The following NDUFAF6 variants were observed in gnomAD, a reference collection of about 807,000 sequenced individuals.
NDUFAF6 encodes the protein NADH:ubiquinone oxidoreductase complex assembly factor 6, also known as NADH dehydrogenase (ubiquinone) complex I, assembly factor 6.
NDUFAF6 carries 45 observed loss-of-function variants against 40.8 expected under a neutral mutation model. That is an observed-to-expected ratio of 1.10 (90% confidence interval 0.87 to 1.42). The LOEUF (loss-of-function observed/expected upper bound fraction) is 1.42, where lower values mean the gene tolerates loss of function less well. Ranked by LOEUF, NDUFAF6 falls within the 40% of genes most tolerant of loss-of-function variation. The probability of loss-of-function intolerance (pLI) is 0.00; values close to 1 mark genes in which losing one functional copy is unlikely to be tolerated. For synonymous variants in NDUFAF6, 185 were observed against 155.9 expected (o/e 1.19, Z -1.39); for missense variants, 435 against 418.5 (o/e 1.04, Z -0.34).
intron 1 of NDUFAF6, among the ~76,000 whole-genome samples, chr8:94,912,933 C>A (rs939823207): frequency 6.6e-6 from 1 of 152,202 alleles, no homozygotes; most frequent in Admixed American, 6.5e-5. Flanking sequence ...GAGCCCAGAT[C>A]ACGCCACTGC....
At chr8:94,980,444 T>G (rs1381365682) in intron 1 of NDUFAF6, among the ~76,000 whole-genome samples, 1 of 138,770 alleles carries the variant, frequency 7.2e-6, no homozygotes, top group Non-Finnish European at 1.6e-5. Context: ...GTTTTTTTGT[T>G]TTTTTTTTTT....
chr8:95,094,377 TC>T (rs774327235), intron 2 of NDUFAF6, among the ~76,000 whole-genome samples: 14,494 of 56,080 alleles, frequency 0.26, 2,174 homozygotes, highest in African/African-American at 0.46. Context: ...TTCTTTTCTT[TC>T]CTTCTTTCTT....
chr8:95,100,796 C>T (rs1053856772), intron 1 of NDUFAF6, among the ~76,000 whole-genome samples: 2 of 152,188 alleles, frequency 1.3e-5, no homozygotes, highest in African/African-American at 2.4e-5. Context: ...CTTTCACATA[C>T]TCTGTAAAGT....
intron 2 of NDUFAF6, among the ~76,000 whole-genome samples, chr8:95,091,716 T>C (rs915736108): frequency 1.3e-5 from 2 of 151,516 alleles, no homozygotes; most frequent in Admixed American, 6.6e-5. Context: ...CCTGGCTCAC[T>C]GCAGCCTTGA....
rs557329189 is a variant in NDUFAF6 at position 95,031,880 on chromosome 8, C to T, written c.198-115C>T. ...CCTCCCAAAGTGCTGGGATTACAGG[C>T]ATGAGCTACCGCGCCCAACTTGAAG... On this transcript the variant is annotated intron_variant, in intron 1 of 8. Transcript: ENST00000396124. 11 of 955,524 alleles carry T rather than the reference C, an allele frequency of 1.2e-5. No individual in the cohort carries two copies. In the East Asian group the frequency reaches 2.8e-4, roughly 24 times the overall value. The allele number at this position is 955,524 out of a possible 1,614,324, so 59.2% of individuals were successfully genotyped here.
chr8:95,099,632 T>C (rs1319630315), upstream of NDUFAF6, among the ~76,000 whole-genome samples: 1 of 151,954 alleles, frequency 6.6e-6, no homozygotes, highest in East Asian at 1.9e-4. Flanking sequence ...GGATTCCTAG[T>C]GTTTCGCCTG....
intron 2 of NDUFAF6, among the ~76,000 whole-genome samples, chr8:95,089,320 G>C (rs892931205): frequency 6.6e-6 from 1 of 151,864 alleles, no homozygotes; most frequent in African/African-American, 2.4e-5. Flanking sequence ...ATGAACTTCT[G>C]CCTCCGCCTC....
intron 1 of NDUFAF6, among the ~76,000 whole-genome samples, chr8:94,935,126 G>GGT: frequency 1.0e-5 from 1 of 97,730 alleles, no homozygotes; most frequent in Non-Finnish European, 2.1e-5. Context: ...TAGGTAGATA[G>GGT]ATATAGATAG....
intron 2 of NDUFAF6, among the ~76,000 whole-genome samples, chr8:94,990,042 G>A (rs1826126455): frequency 6.6e-6 from 1 of 152,108 alleles, no homozygotes; most frequent in African/African-American, 2.4e-5. Flanking sequence ...AAGTTTTAAT[G>A]TAAAAAACTT....
At chr8:95,031,916 T>C in intron 1 of NDUFAF6, 79 bp from the exon 2 acceptor site, 1 of 1,416,006 alleles carries the variant, frequency 7.1e-7, no homozygotes, top group Non-Finnish European at 1.0e-6. Context: ...CCTTTTTGTT[T>C]TCAGTTAATT....
chr8:95,085,204 T>C (rs939150638), intron 2 of NDUFAF6, among the ~76,000 whole-genome samples: 1 of 152,226 alleles, frequency 6.6e-6, no homozygotes, highest in African/African-American at 2.4e-5. Flanking sequence ...GTTTGTCCCA[T>C]AAAGTTCCCT....
intron 1 of NDUFAF6, among the ~76,000 whole-genome samples, chr8:94,898,284 T>C (rs756657372): frequency 1.7e-4 from 26 of 152,232 alleles, no homozygotes; most frequent in Non-Finnish European, 3.4e-4. Context: ...TTTATTGCTC[T>C]AGGATCTCGT....
chr8:95,103,754 C>T (rs1275222803), downstream of NDUFAF6, among the ~76,000 whole-genome samples: 3 of 152,154 alleles, frequency 2.0e-5, no homozygotes, highest in Non-Finnish European at 1.5e-5. Context: ...GTTCTTTTGT[C>T]TGAACTCCCA....
intron 1 of NDUFAF6, among the ~76,000 whole-genome samples, chr8:94,902,515 C>G (rs1818090601): frequency 6.6e-6 from 1 of 151,830 alleles, no homozygotes. Context: ...ATTACCACCA[C>G]AGTGTTTTTT....
At chr8:94,895,850 G>T (rs34293080) in exon 1 of NDUFAF6, 95,059 of 153,272 alleles carry the variant, frequency 0.62, 30,257 homozygotes, top group East Asian at 0.79. Context: ...CCCAGTCCCG[G>T]TCCGCGACCA....
intron 4 of NDUFAF6, among the ~76,000 whole-genome samples, chr8:95,114,324 T>C (rs1264595717): frequency 6.6e-6 from 1 of 152,070 alleles, no homozygotes; most frequent in African/African-American, 2.4e-5. Context: ...ACCCCAGTGG[T>C]TCCCTGACAG....
intron 5 of NDUFAF6, among the ~76,000 whole-genome samples, chr8:95,045,877 C>T (rs1246536337): frequency 6.6e-6 from 1 of 152,004 alleles, no homozygotes; most frequent in Non-Finnish European, 1.5e-5. Flanking sequence ...TACTTTACCT[C>T]ATGGGAATGT....
chr8:95,095,365 C>T (rs1809421637), intron 2 of NDUFAF6, among the ~76,000 whole-genome samples: 1 of 152,136 alleles, frequency 6.6e-6, no homozygotes, highest in Non-Finnish European at 1.5e-5. Context: ...GTTTGGTGGA[C>T]ACAGTCATCC....
At chr8:95,093,118 G>A (rs1469064602) in intron 2 of NDUFAF6, among the ~76,000 whole-genome samples, 3 of 130,772 alleles carry the variant, frequency 2.3e-5, no homozygotes, top group African/African-American at 8.6e-5. Context: ...TCCCTTGGGA[G>A]TGTAAGGGGT....
Sources: allele counts gnomAD v4.1 joint callset (sites outside exome capture counted in the v4.1 genomes callset), GRCh38; gene constraint gnomAD v4.1.1; transcripts MANE v1.5; gene names NCBI Gene and HGNC (gene_info 2026-07-23, HGNC 2026-07-21).